Variants in PELI2 observed in about 807,000 individuals in gnomAD.
PELI2 encodes the protein pellino E3 ubiquitin protein ligase family member 2.
In PELI2, 23 loss-of-function variants were observed where a neutral mutation model predicts 42.3. That is an observed-to-expected ratio of 0.54 (90% CI 0.39 to 0.77). The LOEUF (loss-of-function observed/expected upper bound fraction) is 0.77, where lower values mean the gene tolerates loss of function less well. PELI2 is among the 30% of genes least tolerant of loss of function. PELI2 has a pLI of 0.00. For synonymous variants in PELI2, 245 were observed against 212.2 expected (o/e 1.15, Z -1.34); for missense variants, 463 against 553.2 (o/e 0.84, Z 1.64).
intron 2 of PELI2, among the ~76,000 whole-genome samples, chr14:56,248,624 A>G (rs1888241854): frequency 6.6e-6 from 1 of 152,038 alleles, no homozygotes. Context: ...GCTGACCTGA[A>G]GGGTGCCATG....
intron 1 of PELI2, among the ~76,000 whole-genome samples, chr14:56,169,863 C>T (rs958691962): frequency 1.3e-5 from 2 of 152,114 alleles, no homozygotes; most frequent in African/African-American, 4.8e-5. Context: ...CAGGGGAAGT[C>T]CATGCATATA....
intron 1 of PELI2, among the ~76,000 whole-genome samples, chr14:56,148,514 C>G (rs1216150030): frequency 6.6e-6 from 1 of 152,206 alleles, no homozygotes; most frequent in Non-Finnish European, 1.5e-5. Flanking sequence ...TGTGCTCTTG[C>G]TTCCAGGCCT....
intron 5 of PELI2, among the ~76,000 whole-genome samples, chr14:56,291,952 T>A (rs1056705770): frequency 1.3e-5 from 2 of 152,198 alleles, no homozygotes; most frequent in African/African-American, 4.8e-5. Flanking sequence ...GAGCCAGGGA[T>A]GGTTTACACC....
At chr14:56,262,582 TA>T (rs895465958) in intron 2 of PELI2, among the ~76,000 whole-genome samples, 4 of 152,102 alleles carry the variant, frequency 2.6e-5, no homozygotes, top group African/African-American at 9.6e-5. Context: ...TTCTTTACCA[TA>T]GATAGAATGT....
chr14:56,194,866 GTACATT>G (rs1020342231), intron 2 of PELI2, among the ~76,000 whole-genome samples: 3 of 152,128 alleles, frequency 2.0e-5, no homozygotes, highest in Non-Finnish European at 4.4e-5. Context: ...TAAAAGATTA[GTACATT>G]TAGGATCTTG....
chr14:56,163,902 A>G (rs1487485406), intron 1 of PELI2, among the ~76,000 whole-genome samples: 2 of 152,030 alleles, frequency 1.3e-5, no homozygotes, highest in Non-Finnish European at 2.9e-5. Flanking sequence ...TTGTATGTTG[A>G]TTTTGTATTC....
At chr14:56,215,651 CAT>C (rs1257677661) in intron 2 of PELI2, among the ~76,000 whole-genome samples, 1 of 152,190 alleles carries the variant, frequency 6.6e-6, no homozygotes, top group East Asian at 1.9e-4. Context: ...TAGCAAAACA[CAT>C]GAGTTAAGGA....
Position 56,288,403 on chromosome 14 carries a change from C to G in PELI2, c.310-34C>G. ...ATAAAATACGGCACCCTGCTATTTT[C>G]CAAGTGAATCACGAGTACATTTGAT... On this transcript the variant is annotated intron_variant, in intron 3 of 5. Transcript: ENST00000267460. The surrounding 1 kb of genome is among the most constrained non-coding windows in gnomAD (Gnocchi z 4.6). The G allele has an allele frequency of 1.3e-6, 2 of 1,552,946 alleles. No individual in the cohort carries two copies. Among genetic ancestry groups the G allele is most frequent in the African/African-American group, 2.7e-5 (2 of 73,894 alleles).
intron 2 of PELI2, among the ~76,000 whole-genome samples, chr14:56,205,991 A>C (rs1452195425): frequency 8.0e-6 from 1 of 124,716 alleles, no homozygotes; most frequent in Non-Finnish European, 1.9e-5. Context: ...CATGAAAAGA[A>C]CTACAGATAA....
Position 56,298,542 on chromosome 14 carries a change from A to G in PELI2, c.*1376A>G, listed in dbSNP as rs1392920373. 1 of 152,648 alleles carries G rather than the reference A, an allele frequency of 6.6e-6. No homozygotes were observed. The highest frequency in any genetic ancestry group is 1.5e-5 in the Non-Finnish European group (1 of 68,036). The allele number at this position is 152,648 out of a possible 1,614,324, so 9.5% of individuals were successfully genotyped here. A position where few individuals can be genotyped will look rare whatever the true frequency, so the allele number is the denominator to read the frequency against. ...AAACTAATGTTCTCTTAATTTGACC[A>G]TTGCAGATTTGGGTGACTTTTTTTT... On this transcript the variant is annotated 3_prime_UTR_variant, in exon 6 of 6. Coordinates refer to ENST00000267460, the MANE Select transcript of PELI2 (RefSeq NM_021255.3).
At chr14:56,124,691 C>A (rs989924404) in intron 1 of PELI2, among the ~76,000 whole-genome samples, 2 of 152,176 alleles carry the variant, frequency 1.3e-5, no homozygotes, top group African/African-American at 4.8e-5. Flanking sequence ...GCTGGAAGAC[C>A]TGAAGGCTGG....
At chr14:56,158,748 C>T (rs1352572066) in intron 1 of PELI2, among the ~76,000 whole-genome samples, 1 of 152,058 alleles carries the variant, frequency 6.6e-6, no homozygotes, top group Non-Finnish European at 1.5e-5. Flanking sequence ...TAAAAATTTT[C>T]CTAATTATTT....
intron 3 of PELI2, among the ~76,000 whole-genome samples, chr14:56,284,175 A>C (rs1889573303): frequency 6.6e-6 from 1 of 152,254 alleles, no homozygotes; most frequent in African/African-American, 2.4e-5. Flanking sequence ...CAGAAATATT[A>C]TTGCCTGAGG....
At chr14:56,229,943 C>T (rs1034229963) in intron 2 of PELI2, among the ~76,000 whole-genome samples, 3 of 152,092 alleles carry the variant, frequency 2.0e-5, no homozygotes, top group Admixed American at 2.0e-4. Flanking sequence ...ACGAGAACTG[C>T]GTGATGCATG....
intron 1 of PELI2, among the ~76,000 whole-genome samples, chr14:56,170,327 G>A (rs957086553): frequency 3.9e-5 from 6 of 152,186 alleles, no homozygotes; most frequent in Admixed American, 3.3e-4. Context: ...AAACCGTGAC[G>A]TCTCCAAAAT....
At chr14:56,257,169 C>T (rs1232053055) in intron 2 of PELI2, among the ~76,000 whole-genome samples, 3 of 152,138 alleles carry the variant, frequency 2.0e-5, no homozygotes, top group Non-Finnish European at 4.4e-5. Flanking sequence ...CCTGCCAGAT[C>T]AGAGAAGAGT....
intron 2 of PELI2, among the ~76,000 whole-genome samples, chr14:56,198,861 T>A (rs1369983614): frequency 1.3e-5 from 2 of 152,160 alleles, no homozygotes; most frequent in Non-Finnish European, 2.9e-5. Context: ...ACTTTTATAT[T>A]TTGTTAGAAA....
At chr14:56,211,864 T>C (rs978469982) in intron 2 of PELI2, among the ~76,000 whole-genome samples, 2 of 151,928 alleles carry the variant, frequency 1.3e-5, no homozygotes, top group African/African-American at 4.8e-5. Context: ...AGAGGAAAAA[T>C]ACATGTGACC....
At chr14:56,234,046 A>G (rs558418330) in intron 2 of PELI2, among the ~76,000 whole-genome samples, 4 of 152,368 alleles carry the variant, frequency 2.6e-5, no homozygotes, top group Non-Finnish European at 5.9e-5. Context: ...CAAAACTACA[A>G]TGAGATACCA....
Sources: allele counts gnomAD v4.1 joint callset (sites outside exome capture counted in the v4.1 genomes callset), GRCh38; gene constraint gnomAD v4.1.1; non-coding constraint Gnocchi (gnomAD v3.1); transcripts MANE v1.5; gene names NCBI Gene and HGNC (gene_info 2026-07-23, HGNC 2026-07-21).